IQSEC2: variants seen among roughly 807,000 people sequenced by gnomAD.
The protein encoded by IQSEC2 is IQ motif and SEC7 domain-containing protein 2.
A neutral mutation model predicts 74.6 loss-of-function variants in IQSEC2; 6 were observed. The observed-to-expected ratio is 0.08, with a 90% CI of 0.04 to 0.16. The LOEUF (loss-of-function observed/expected upper bound fraction) is 0.16, where lower values mean the gene tolerates loss of function less well. Ranked by LOEUF, IQSEC2 falls within the 10% of genes least tolerant of loss-of-function variation. The pLI is 1.00. For missense variants in IQSEC2, 734 were observed against 1,306.2 expected, an observed-to-expected ratio of 0.56 and a Z score of 6.75; for synonymous variants, 494 against 544.5, an observed-to-expected ratio of 0.91 and a Z score of 1.29.
At chrX:53,317,447 A>G (rs1181956357) in intron 1 of IQSEC2, among the ~76,000 whole-genome samples, 1 of 111,628 alleles carries the variant, frequency 9.0e-6, no homozygotes, top group African/African-American at 3.3e-5. Flanking sequence ...CAGTAGAGGG[A>G]AAGTTCACAG....
chrX:53,247,392 C>G (rs782798138), intron 7 of IQSEC2, among the ~76,000 whole-genome samples: 1 of 112,075 alleles, frequency 8.9e-6, no homozygotes, highest in East Asian at 2.8e-4. Flanking sequence ...ATTGGCAGTC[C>G]CATTTTACAG....
intron 10 of IQSEC2, 24 bp from the exon 11 acceptor site, chrX:53,239,318 C>T (rs782410735): frequency 2.9e-6 from 3 of 1,017,082 alleles, no homozygotes; most frequent in Non-Finnish European, 4.2e-6. Flanking sequence ...GGGAAAAAGA[C>T]AAGAGGCAGC....
intron 8 of IQSEC2, among the ~76,000 whole-genome samples, chrX:53,244,112 G>A (rs1257788667): frequency 9.1e-6 from 1 of 109,795 alleles, no homozygotes; most frequent in East Asian, 2.8e-4. Context: ...CCAGGTACTC[G>A]GGAGGCTGAG....
chrX:53,236,183 C>T, intron 13 of IQSEC2, 139 bp downstream of exon 13: 1 of 727,820 alleles, frequency 1.4e-6, no homozygotes, highest in Non-Finnish European at 2.0e-6. Flanking sequence ...CCCTGTGGCG[C>T]AGCGCCCAGG....
intron 1 of IQSEC2, 65 bp downstream of exon 1, chrX:53,320,352 T>C: frequency 1.0e-6 from 1 of 984,277 alleles, no homozygotes; most frequent in South Asian, 2.1e-5. Context: ...TCTTACTCTA[T>C]CAGCTGGACA....
At chrX:53,310,886 C>T (rs1160597491) in intron 1 of IQSEC2, among the ~76,000 whole-genome samples, 2 of 108,547 alleles carry the variant, frequency 1.8e-5, no homozygotes, top group African/African-American at 3.3e-5. Flanking sequence ...TTTGGGAGGC[C>T]GAGGTGGGCG....
chrX:53,312,903 C>T (rs1364346918), intron 1 of IQSEC2, among the ~76,000 whole-genome samples: 1 of 112,352 alleles, frequency 8.9e-6, no homozygotes, highest in African/African-American at 3.2e-5. Flanking sequence ...CCTGGATATG[C>T]AGTCCTATCA....
chrX:53,308,985 TC>T (rs2075294818), intron 1 of IQSEC2, among the ~76,000 whole-genome samples: 1 of 107,605 alleles, frequency 9.3e-6, no homozygotes, highest in Non-Finnish European at 1.9e-5. Context: ...GCACCTGTGG[TC>T]CTAACTACTC....
intron 1 of IQSEC2, among the ~76,000 whole-genome samples, chrX:53,301,013 C>T (rs111619480): frequency 0.056 from 6,256 of 112,156 alleles, 164 homozygotes; most frequent in Non-Finnish European, 0.091. Context: ...AGAGTGGCTG[C>T]CTCTGGGTGC....
At chrX:53,238,904 G>A (rs1366235413) in intron 11 of IQSEC2, among the ~76,000 whole-genome samples, 1 of 110,291 alleles carries the variant, frequency 9.1e-6, no homozygotes, top group South Asian at 3.9e-4. Flanking sequence ...GGAATACCAC[G>A]CAACAAAGCT....
rs2075419503 is a variant in IQSEC2, at chrX:53,320,537, G to A, written c.587C>T (p.Pro196Leu). ...CTGGCCCCGCTCCCGCGGTGGCCGC[G>A]GCCCCACGCCCACCGCCGCCGAATA... ...AGYSAAVGVG[P>L]RPPRERGQLS... The change falls in exon 1 of 15, where the codon CCG (proline) becomes CTG (leucine). Residue 196 changes from proline (P) to leucine (L), a missense_variant. Physicochemically the swap from Pro to Leu is moderately conservative, Grantham distance 98 (BLOSUM62 -3). This residue lies in a region of IQSEC2 where 134 missense variants were observed against 214.9 expected (regional missense o/e 0.62). Coordinates refer to ENST00000642864, the MANE Select transcript of IQSEC2 (RefSeq NM_001111125.3). 1 of 1,154,741 alleles carries A rather than the reference G, an allele frequency of 8.7e-7. No individual in the cohort carries two copies. The highest frequency in any genetic ancestry group is 1.8e-5 in the African/African-American group (1 of 54,902).
chrX:53,255,796 G>A lies in IQSEC2; in HGVS notation c.999+4C>T, dbSNP rs199648681. 76 of 1,209,916 alleles carry A rather than the reference G, an allele frequency of 6.3e-5. 1 individual carries two copies. The highest frequency in any genetic ancestry group is 1.1e-6 in the Non-Finnish European group (1 of 895,015). The stretch of plus-strand genomic sequence containing the variant: ...CCATTCCCAACCAGATGCCTCTGTT[G>A]CACCTTCTTGTCCTGCAGGTCTGTG... On this transcript the variant is annotated splice_donor_region_variant and intron_variant, in intron 3 of 14. Transcript: ENST00000642864.
intron 2 of IQSEC2, among the ~76,000 whole-genome samples, chrX:53,284,818 G>C (rs1158516171): frequency 2.7e-5 from 3 of 111,624 alleles, no homozygotes; most frequent in Admixed American, 9.5e-5. Context: ...GGACACTAGA[G>C]GGCACTGTGG....
intron 1 of IQSEC2, among the ~76,000 whole-genome samples, chrX:53,307,989 C>T (rs1556877133): frequency 1.9e-5 from 2 of 106,973 alleles, no homozygotes. Flanking sequence ...GAGTTCAAAA[C>T]TCCATCTCTA....
chrX:53,318,550 C>T (rs1556879598), intron 1 of IQSEC2, among the ~76,000 whole-genome samples: 1 of 112,383 alleles, frequency 8.9e-6, no homozygotes. Context: ...GGCTTTCTAC[C>T]TGATTCAGGA....
chrX:53,287,274 A>C (rs186878597), intron 2 of IQSEC2, among the ~76,000 whole-genome samples: 3 of 112,626 alleles, frequency 2.7e-5, no homozygotes, highest in Non-Finnish European at 5.6e-5. Flanking sequence ...ATGTAAGTGC[A>C]GGGTTTGTGT....
At chrX:53,251,702 T>C (rs1436300877) in intron 4 of IQSEC2, among the ~76,000 whole-genome samples, 1 of 112,146 alleles carries the variant, frequency 8.9e-6, no homozygotes, top group Admixed American at 9.4e-5. Context: ...GTACCAGAGT[T>C]AGTCTGTGTG....
At position 53,234,285 on chromosome X, in the gene IQSEC2, AG is replaced by A. The variant is rs1556858941; in HGVS notation, c.4400del (p.Pro1467LeufsTer28). On this transcript the variant is annotated frameshift_variant, in exon 15 of 15. Coordinates refer to ENST00000642864, the MANE Select transcript of IQSEC2 (RefSeq NM_001111125.3). LOFTEE classifies it high-confidence loss of function. ...TTGCACTGGGGGGGTTGGCTGTGCC[AG>A]GGGGCCCAGAGGCGTGCAGCGGGCC... ...PHGPLHASGP[P>X]GTANPPSANP... 6.0e-6 allele frequency: 5 copies of A among 840,232 alleles called. No homozygotes were observed. The highest frequency in any genetic ancestry group is 3.5e-5 in the South Asian group (1 of 28,876). 69.2% of individuals were successfully genotyped at this position (840,232 alleles called of 1,213,427 possible).
At chrX:53,279,704 G>A (rs782424548) in intron 2 of IQSEC2, 2 of 884,505 alleles carry the variant, frequency 2.3e-6, no homozygotes, top group Non-Finnish European at 3.3e-6. Flanking sequence ...GAGAGACAGG[G>A]AGGGAGGGAA....
Sources: allele counts gnomAD v4.1 joint callset (sites outside exome capture counted in the v4.1 genomes callset), GRCh38; gene constraint gnomAD v4.1.1; regional missense constraint gnomAD v4.1.1; transcripts MANE v1.5; gene names NCBI Gene and HGNC (gene_info 2026-07-23, HGNC 2026-07-21).